Variants in VDAC3 observed in about 807,000 individuals in gnomAD.
VDAC3 encodes the protein voltage dependent anion channel 3.
A neutral mutation model predicts 33.9 loss-of-function variants in VDAC3; 7 were observed. That is an observed-to-expected ratio of 0.21 (90% confidence interval 0.12 to 0.39). VDAC3 has a LOEUF of 0.39. VDAC3 is among the 10% of genes least tolerant of loss of function. The pLI is 1.00. For missense variants in VDAC3, 261 were observed against 334.5 expected, an observed-to-expected ratio of 0.78 and a Z score of 1.71; for synonymous variants, 100 against 122.4, an observed-to-expected ratio of 0.82 and a Z score of 1.21.
intron 9 of VDAC3, 66 bp downstream of exon 9, chr8:42,404,990 C>G: frequency 6.9e-7 from 1 of 1,441,144 alleles, no homozygotes; most frequent in Non-Finnish European, 9.7e-7. Context: ...ATGAAAATAA[C>G]CTGCAGAACA....
At chr8:42,395,877 T>G (rs1802302002) in intron 4 of VDAC3, among the ~76,000 whole-genome samples, 2 of 151,232 alleles carry the variant, frequency 1.3e-5, no homozygotes, top group African/African-American at 2.4e-5. Context: ...GAGAATCTCT[T>G]GAACCTGGGA....
At chr8:42,403,839 T>C (rs113504034) in intron 8 of VDAC3, among the ~76,000 whole-genome samples, 8,635 of 150,538 alleles carry the variant, frequency 0.057, 765 homozygotes, top group African/African-American at 0.19. Flanking sequence ...GATCACACCA[T>C]TGCACTCCAG....
intron 6 of VDAC3, 93 bp downstream of exon 6, chr8:42,399,796 C>A: frequency 8.4e-7 from 1 of 1,195,168 alleles, no homozygotes; most frequent in Non-Finnish European, 1.2e-6. Context: ...AGTTCAGAGG[C>A]AGGAAGAACT....
chr8:42,399,007 T>A (rs777966089), intron 5 of VDAC3, 143 bp downstream of exon 5: 2 of 851,320 alleles, frequency 2.3e-6, no homozygotes, highest in Non-Finnish European at 3.5e-6. Context: ...TTTTTTGATG[T>A]CTTATGTTTC....
At chr8:42,402,535 A>G (rs1802433725) in intron 7 of VDAC3, among the ~76,000 whole-genome samples, 1 of 152,226 alleles carries the variant, frequency 6.6e-6, no homozygotes, top group African/African-American at 2.4e-5. Flanking sequence ...CCTGGGATTC[A>G]GTTATGTAGG....
intron 8 of VDAC3, among the ~76,000 whole-genome samples, chr8:42,404,066 C>T (rs963860627): frequency 2.0e-5 from 3 of 152,100 alleles, no homozygotes; most frequent in African/African-American, 7.2e-5. Flanking sequence ...AAAAATAACA[C>T]TGAGCTGTTA....
intron 7 of VDAC3, among the ~76,000 whole-genome samples, chr8:42,402,361 G>T (rs909299186): frequency 6.6e-6 from 1 of 152,144 alleles, no homozygotes; most frequent in Non-Finnish European, 1.5e-5. Flanking sequence ...CATCTTGACA[G>T]TATCTGGAAG....
At chr8:42,398,659 A>G in intron 4 of VDAC3, 53 bp from the exon 5 acceptor site, 1 of 1,576,186 alleles carries the variant, frequency 6.3e-7, no homozygotes, top group South Asian at 1.2e-5. Context: ...CAAAGTGAAT[A>G]TTTTCTATTT....
intron 9 of VDAC3, among the ~76,000 whole-genome samples, 190 bp downstream of exon 9, chr8:42,405,114 A>G (rs1045210991): frequency 6.6e-6 from 1 of 152,370 alleles, no homozygotes; most frequent in Middle Eastern, 3.4e-3. Context: ...TCTGACTATA[A>G]TGTGGTCACT....
intron 1 of VDAC3, among the ~76,000 whole-genome samples, chr8:42,392,745 G>GTA (rs967927649): frequency 6.6e-6 from 1 of 152,136 alleles, no homozygotes; most frequent in Non-Finnish European, 1.5e-5. Context: ...ACATTTAAGT[G>GTA]TATCTTTTCT....
chr8:42,401,657 A>G, intron 6 of VDAC3, 131 bp from the exon 7 acceptor site: 1 of 781,352 alleles, frequency 1.3e-6, no homozygotes, highest in Middle Eastern at 2.5e-4. Flanking sequence ...TTTTTACTAT[A>G]TATGTGGCAT....
chr8:42,398,631 A>G lies in VDAC3; in HGVS notation c.118-81A>G, dbSNP rs1472958393. 4 of 1,451,384 alleles carry G rather than the reference A, an allele frequency of 2.8e-6. No homozygotes were observed. The African/African-American group carries it at 5.7e-5, about 21-fold the overall frequency. The allele number at this position is 1,451,384 out of a possible 1,614,324, so 89.9% of individuals were successfully genotyped here. A position where few individuals can be genotyped will look rare whatever the true frequency, so the allele number is the denominator to read the frequency against. On this transcript the variant is annotated intron_variant, in intron 4 of 9. Coordinates refer to ENST00000022615, the MANE Select transcript of VDAC3 (RefSeq NM_005662.7). ...AGCAGTAAATGGTATTGTTTTTGAT[A>G]CATTGAACACTGCTTTCCAAAGTGA...
chr8:42,396,745 T>C lies in VDAC3; in HGVS notation c.117+1612T>C, dbSNP rs552359930. ...CTGCTTTTGGTTTCTGGTATTGATT[T>C]AGGATAAATTTCAATCATTGTTCCA... On this transcript the variant is annotated intron_variant, in intron 4 of 9. Transcript: ENST00000022615. The C allele has an allele frequency of 1.4e-4, 94 of 665,622 alleles. No homozygotes were observed. In the South Asian group the frequency reaches 1.5e-3, roughly 11 times the overall value. 41.2% of individuals were successfully genotyped at this position (665,622 alleles called of 1,614,324 possible). A position where few individuals can be genotyped will look rare whatever the true frequency, so the allele number is the denominator to read the frequency against.
chr8:42,405,457 G>A lies in VDAC3; in HGVS notation c.847G>A (p.Ala283Thr). 1 of 1,611,828 alleles carries A rather than the reference G, an allele frequency of 6.2e-7. No individual in the cohort carries two copies. The highest frequency in any genetic ancestry group is 1.3e-5 in the African/African-American group (1 of 74,978). The change falls in exon 10 of 10, where the codon GCT becomes ACT. Residue 283 changes from alanine to threonine, a missense_variant. Coordinates refer to ENST00000022615, the MANE Select transcript of VDAC3 (RefSeq NM_005662.7). ...GGTTGGCTTGGGATTTGAACTGGAA[G>A]CTTAATGTGGTTTGAGGAAAGCATC... Reference protein sequence around the residue: ...HKVGLGFELEA With the variant: ...HKVGLGFELET
At chr8:42,400,307 C>A (rs1388937611) in intron 6 of VDAC3, among the ~76,000 whole-genome samples, 1 of 146,234 alleles carries the variant, frequency 6.8e-6, no homozygotes, top group Non-Finnish European at 1.5e-5. Flanking sequence ...CCAGCCTGGG[C>A]AACAGAGCGA....
chr8:42,402,389 C>T (rs1802430914), intron 7 of VDAC3, among the ~76,000 whole-genome samples: 1 of 152,154 alleles, frequency 6.6e-6, no homozygotes, highest in Non-Finnish European at 1.5e-5. Flanking sequence ...GTTTTGGTCA[C>T]CAACAACCAC....
In VDAC3 at chr8:42,398,692, T is replaced by C. The variant is rs758015035; in HGVS notation, c.118-20T>C. 1.2e-6 allele frequency: 2 copies of C among 1,601,688 alleles called. No individual in the cohort carries two copies. Among genetic ancestry groups the C allele is most frequent in the Non-Finnish European group, 8.5e-7 (1 of 1,176,384 alleles). On this transcript the variant is annotated intron_variant, in intron 4 of 9. Transcript: ENST00000022615. ...TTTGATGAGCTAATTTTAAAGTAATTATTTTTTCTTGCTTACCAGGAATTT... is the reference window on the plus strand; with the variant it reads ...TTTGATGAGCTAATTTTAAAGTAATCATTTTTTCTTGCTTACCAGGAATTT...
intron 4 of VDAC3, chr8:42,396,990 CT>C (rs1452181080): frequency 3.2e-5 from 9 of 281,596 alleles, no homozygotes; most frequent in Non-Finnish European, 5.3e-5. Context: ...CAATTCTAGC[CT>C]TTTTTTCTGA....
At chr8:42,402,975 G>T in intron 7 of VDAC3, 1 of 217,962 alleles carries the variant, frequency 4.6e-6, no homozygotes, top group Non-Finnish European at 9.1e-6. Context: ...ACTCTACTTT[G>T]AAGTTTCTAA....
Sources: allele counts gnomAD v4.1 joint callset (sites outside exome capture counted in the v4.1 genomes callset), GRCh38; gene constraint gnomAD v4.1.1; transcripts MANE v1.5; gene names NCBI Gene and HGNC (gene_info 2026-07-23, HGNC 2026-07-21).